AKAP19: variants seen among roughly 807,000 people sequenced by gnomAD.
AKAP19 encodes the protein small A-kinase anchoring protein.
At chr2:190,030,766 A>G in the AKAP19 span, among the ~76,000 whole-genome samples, 1 of 152,192 alleles carries the variant, frequency 6.6e-6, no homozygotes, top group Non-Finnish European at 1.5e-5. Flanking sequence ...TGAAAGTGTC[A>G]TGTTTGTGAC....
chr2:189,908,610 C>T, the AKAP19 span, among the ~76,000 whole-genome samples: 2 of 152,080 alleles, frequency 1.3e-5, no homozygotes, highest in Non-Finnish European at 2.9e-5. Context: ...ATTTCTTTGA[C>T]TCATTGGTTG....
chr2:189,902,252 G>T, the AKAP19 span, among the ~76,000 whole-genome samples: 3 of 151,708 alleles, frequency 2.0e-5, no homozygotes, highest in African/African-American at 7.3e-5. Flanking sequence ...TCTAAATCTT[G>T]TTCTTAATTA....
At chr2:189,951,877 A>G in the AKAP19 span, among the ~76,000 whole-genome samples, 5 of 152,242 alleles carry the variant, frequency 3.3e-5, no homozygotes, top group Non-Finnish European at 5.9e-5. Flanking sequence ...GTTCTTATCT[A>G]AAAGCAGGTT....
At chr2:190,017,034 T>C in the AKAP19 span, among the ~76,000 whole-genome samples, 2,486 of 152,312 alleles carry the variant, frequency 0.016, 71 homozygotes, top group African/African-American at 0.057. Flanking sequence ...CATTATATAA[T>C]GACCTGCTTT....
the AKAP19 span, among the ~76,000 whole-genome samples, chr2:189,934,541 G>C: frequency 6.6e-6 from 1 of 151,744 alleles, no homozygotes. Context: ...ATGACCTGTA[G>C]GTTCTCCAAT....
chr2:189,950,028 G>GTTTTTTT, the AKAP19 span, among the ~76,000 whole-genome samples: 11 of 113,950 alleles, frequency 9.7e-5, no homozygotes, highest in East Asian at 2.6e-4. Flanking sequence ...TTGGTTTTGG[G>GTTTTTTT]TTTTTTTTTT....
chr2:190,202,685 G>C, the AKAP19 span: 1 of 167,054 alleles, frequency 6.0e-6, no homozygotes, highest in Non-Finnish European at 1.5e-5. Context: ...CTGAAAGACT[G>C]ACTAGCTCCT....
chr2:190,088,066 T>C, the AKAP19 span, among the ~76,000 whole-genome samples: 1 of 152,168 alleles, frequency 6.6e-6, no homozygotes, highest in Admixed American at 6.5e-5. Flanking sequence ...CTGTAAAGTA[T>C]GTATAGCTGA....
the AKAP19 span, among the ~76,000 whole-genome samples, chr2:189,998,724 T>C: frequency 6.6e-6 from 1 of 151,466 alleles, no homozygotes; most frequent in Non-Finnish European, 1.5e-5. Flanking sequence ...TTATTGCTTT[T>C]CTATTTTTTC....
chr2:189,942,289 C>T, the AKAP19 span, among the ~76,000 whole-genome samples: 1 of 152,128 alleles, frequency 6.6e-6, no homozygotes, highest in Non-Finnish European at 1.5e-5. Context: ...TTTCTTGCTC[C>T]TGTTTCATTA....
chr2:189,968,861 G>A, the AKAP19 span, among the ~76,000 whole-genome samples: 1 of 151,536 alleles, frequency 6.6e-6, no homozygotes, highest in Non-Finnish European at 1.5e-5. Flanking sequence ...ATAGATATTT[G>A]TTTATTATAC....
At chr2:189,970,107 T>C in the AKAP19 span, among the ~76,000 whole-genome samples, 9 of 152,106 alleles carry the variant, frequency 5.9e-5, no homozygotes, top group African/African-American at 2.2e-4. Context: ...ACTCAAGAGA[T>C]CCACTTGCCT....
At chr2:189,990,452 C>T in the AKAP19 span, among the ~76,000 whole-genome samples, 1 of 152,022 alleles carries the variant, frequency 6.6e-6, no homozygotes, top group Admixed American at 6.6e-5. Context: ...CAAATGTTAA[C>T]CAACCTTATA....
chr2:190,172,691 C>T, the AKAP19 span, among the ~76,000 whole-genome samples: 1 of 152,224 alleles, frequency 6.6e-6, no homozygotes, highest in Non-Finnish European at 1.5e-5. Context: ...AGAAGGAGCA[C>T]TGGCTTTGGA....
chr2:189,922,216 A>T, the AKAP19 span, among the ~76,000 whole-genome samples: 6 of 152,246 alleles, frequency 3.9e-5, no homozygotes, highest in East Asian at 1.2e-3. Flanking sequence ...AAGAAAGGAG[A>T]CTGAAAAGAC....
chr2:189,919,099 G>T, the AKAP19 span, among the ~76,000 whole-genome samples: 1 of 152,184 alleles, frequency 6.6e-6, no homozygotes, highest in Non-Finnish European at 1.5e-5. Context: ...CGTAGGGTTT[G>T]GTACCCTCTG....
chr2:190,053,863 T>C, the AKAP19 span, among the ~76,000 whole-genome samples: 1 of 152,162 alleles, frequency 6.6e-6, no homozygotes, highest in Non-Finnish European at 1.5e-5. Context: ...TATTTAGCAA[T>C]ATTAACACAT....
chr2:190,177,413 A>T, the AKAP19 span, among the ~76,000 whole-genome samples: 2 of 152,184 alleles, frequency 1.3e-5, no homozygotes, highest in Non-Finnish European at 2.9e-5. This position sits in a 1 kb window ranked among gnomAD's most constrained non-coding sequence, Gnocchi z 4.6. Context: ...ATTATCAGAA[A>T]ACCAACTGAG....
chr2:190,089,378 ATGAG>A, the AKAP19 span, among the ~76,000 whole-genome samples: 1 of 152,086 alleles, frequency 6.6e-6, no homozygotes, highest in Non-Finnish European at 1.5e-5. Flanking sequence ...GAGAACTGTG[ATGAG>A]TAAGTATATT....
Sources: gnomAD v4.1 joint callset for allele counts (sites outside exome capture counted in the v4.1 genomes callset) on GRCh38, gnomAD v4.1.1 for gene constraint, Gnocchi (gnomAD v3.1) non-coding constraint, MANE v1.5 for transcripts, NCBI Gene and HGNC (gene_info 2026-07-23, HGNC 2026-07-21) for gene names.